IL1RAPL1: variants seen among roughly 807,000 people sequenced by gnomAD.
IL1RAPL1 encodes interleukin-1 receptor accessory protein-like 1.
In IL1RAPL1, 3 loss-of-function variants were observed where a neutral mutation model predicts 48.4. That is an observed-to-expected ratio of 0.06 (90% CI 0.03 to 0.16). The LOEUF (loss-of-function observed/expected upper bound fraction) is 0.16, where lower values mean the gene tolerates loss of function less well. Among genes scored for constraint, IL1RAPL1 ranks in the 10% least tolerant of loss-of-function variants. IL1RAPL1 has a pLI of 1.00. For synonymous variants in IL1RAPL1, 185 were observed against 187.7 expected (o/e 0.99, Z 0.12); for missense variants, 349 against 530.6 (o/e 0.66, Z 3.36).
chrX:29,429,134 T>C (rs1189423786), intron 5 of IL1RAPL1, among the ~76,000 whole-genome samples: 1 of 111,955 alleles, frequency 8.9e-6, no homozygotes, highest in East Asian at 2.8e-4. Context: ...AGTGATACCT[T>C]TAAAGAAATG....
rs200274649 is a variant in IL1RAPL1 at position 29,547,226 on chromosome X, TACTA to T, written c.704-121200_704-121197del. On this transcript the variant is annotated intron_variant, in intron 5 of 10. Transcript: ENST00000378993. ...AATTATATTTGTGCAGCTTTTAGCA[TACTA>T]ACTTTTTCGTGAGTTGTTTTGTAAC... is the stretch of plus-strand genomic sequence containing the variant. 4.5e-3 allele frequency among the ~76,000 whole-genome samples: 507 copies of T among 111,873 alleles called. 3 individuals carry two copies. The highest frequency in any genetic ancestry group is 0.015 in the African/African-American group (475 of 30,886).
At chrX:29,803,570 T>G (rs5001664) in intron 6 of IL1RAPL1, among the ~76,000 whole-genome samples, 2,941 of 101,475 alleles carry the variant, frequency 0.029, 119 homozygotes, top group African/African-American at 0.099. Context: ...TGTATATATG[T>G]ATACATATAT....
chrX:29,139,128 G>A (rs955156029), intron 2 of IL1RAPL1, among the ~76,000 whole-genome samples: 2 of 111,518 alleles, frequency 1.8e-5, no homozygotes, highest in Non-Finnish European at 3.8e-5. Context: ...GATTTCCATG[G>A]TCACTCATTT....
At chrX:29,582,357 T>TTTA (rs1556041440) in intron 5 of IL1RAPL1, among the ~76,000 whole-genome samples, 20,983 of 106,011 alleles carry the variant, frequency 0.2, 3,246 homozygotes, top group African/African-American at 0.51. Context: ...ATCTTTTTTT[T>TTTA]TTTATTTTTT....
At chrX:28,934,065 T>G (rs1169005065) in intron 2 of IL1RAPL1, among the ~76,000 whole-genome samples, 1 of 111,458 alleles carries the variant, frequency 9.0e-6, no homozygotes, top group Non-Finnish European at 1.9e-5. Context: ...CTTTGTGACC[T>G]GTATCTTGTA....
chrX:28,832,081 A>G (rs907816880), intron 2 of IL1RAPL1, among the ~76,000 whole-genome samples: 18 of 111,441 alleles, frequency 1.6e-4, no homozygotes, highest in Non-Finnish European at 3.0e-4. Context: ...TCATCACCAC[A>G]AACATTTATT....
In IL1RAPL1 at chrX:28,697,749, T is replaced by A. The variant is rs756631595; in HGVS notation, c.-24-91571T>A. Reference sequence around the variant, plus strand: ...AAATATTAAGTACCTCCTGTTTTCCTGGAATTCTGAAAGAAGCATAGGGGT... The same window carrying A: ...AAATATTAAGTACCTCCTGTTTTCCAGGAATTCTGAAAGAAGCATAGGGGT... On this transcript the variant is annotated intron_variant, in intron 1 of 10. Coordinates refer to ENST00000378993, the MANE Select transcript of IL1RAPL1 (RefSeq NM_014271.4). Among the ~76,000 whole-genome samples the A allele has an allele frequency of 4.5e-5, 5 of 111,641 alleles. No individual in the cohort carries two copies. In the East Asian group the frequency reaches 1.1e-3, roughly 25 times the overall value.
chrX:28,677,593 CT>C (rs756479795), intron 1 of IL1RAPL1, among the ~76,000 whole-genome samples: 72 of 104,118 alleles, frequency 6.9e-4, no homozygotes, highest in Middle Eastern at 5.0e-3. Context: ...CTTCTGATAC[CT>C]TTTTTTTTTT....
chrX:29,016,222 T>C (rs1393636912), intron 2 of IL1RAPL1, among the ~76,000 whole-genome samples: 4 of 111,397 alleles, frequency 3.6e-5, no homozygotes, highest in Admixed American at 9.7e-5. Flanking sequence ...ACATGAAACA[T>C]AGAGGCAGAC....
At chrX:28,797,260 C>T (rs763329837) in intron 2 of IL1RAPL1, among the ~76,000 whole-genome samples, 2 of 111,815 alleles carry the variant, frequency 1.8e-5, no homozygotes, top group Non-Finnish European at 3.8e-5. Flanking sequence ...CCCACTGTCT[C>T]GGGGATTAAC....
At chrX:28,812,232 T>A (rs182172577) in intron 2 of IL1RAPL1, among the ~76,000 whole-genome samples, 19 of 110,915 alleles carry the variant, frequency 1.7e-4, no homozygotes, top group African/African-American at 5.5e-4. Flanking sequence ...ATATATATAT[T>A]TTTTTCAGGC....
intron 1 of IL1RAPL1, among the ~76,000 whole-genome samples, chrX:28,616,298 T>C (rs1934217531): frequency 8.9e-6 from 1 of 112,422 alleles, no homozygotes; most frequent in Non-Finnish European, 1.9e-5. Flanking sequence ...CCACTTCTGT[T>C]TTCTGGTACG....
chrX:29,491,916 T>C (rs1314958817), intron 5 of IL1RAPL1, among the ~76,000 whole-genome samples: 1 of 111,770 alleles, frequency 8.9e-6, no homozygotes, highest in African/African-American at 3.3e-5. Flanking sequence ...TTTCTAAAGG[T>C]GTCACTATAA....
intron 2 of IL1RAPL1, among the ~76,000 whole-genome samples, chrX:29,160,331 T>C (rs1318747973): frequency 8.9e-6 from 1 of 111,861 alleles, no homozygotes; most frequent in African/African-American, 3.2e-5. Context: ...TTATAAAATT[T>C]GTTCATTAGA....
At chrX:28,848,184 G>A (rs1921561122) in intron 2 of IL1RAPL1, among the ~76,000 whole-genome samples, 1 of 110,829 alleles carries the variant, frequency 9.0e-6, no homozygotes, top group Non-Finnish European at 1.9e-5. Context: ...GAAAGGGGAG[G>A]GAGAGCATTA....
chrX:29,261,783 C>G (rs896985217), intron 2 of IL1RAPL1, among the ~76,000 whole-genome samples: 1 of 110,868 alleles, frequency 9.0e-6, no homozygotes, highest in Non-Finnish European at 1.9e-5. Flanking sequence ...CTTCAGGGGT[C>G]AATTTTAATG....
intron 2 of IL1RAPL1, among the ~76,000 whole-genome samples, chrX:29,030,024 C>T (rs1926582887): frequency 9.2e-6 from 1 of 108,587 alleles, no homozygotes; most frequent in Non-Finnish European, 1.9e-5. Context: ...ATTGTATTGC[C>T]TTTGCCCCTT....
At chrX:28,900,802 C>T (rs780699243) in intron 2 of IL1RAPL1, among the ~76,000 whole-genome samples, 1 of 111,510 alleles carries the variant, frequency 9.0e-6, no homozygotes, top group African/African-American at 3.3e-5. Context: ...ACCAGCTTTA[C>T]CTTATCTATT....
At chrX:29,947,949 G>T (rs1933245454) in intron 9 of IL1RAPL1, among the ~76,000 whole-genome samples, 1 of 110,325 alleles carries the variant, frequency 9.1e-6, no homozygotes, top group Non-Finnish European at 1.9e-5. Flanking sequence ...CAAATCTTGT[G>T]CTCCCTTTGC....
Sources: gnomAD v4.1 joint callset for allele counts (sites outside exome capture counted in the v4.1 genomes callset) on GRCh38, gnomAD v4.1.1 for gene constraint, MANE v1.5 for transcripts, NCBI Gene and HGNC (gene_info 2026-07-23, HGNC 2026-07-21) for gene names.